SEPHS1: variants seen among roughly 807,000 people sequenced by gnomAD.
SEPHS1 encodes selenophosphate synthetase 1.
In SEPHS1, 7 loss-of-function variants were observed where a neutral mutation model predicts 39.2. That is an observed-to-expected ratio of 0.18 (90% confidence interval 0.10 to 0.34). SEPHS1 has a LOEUF of 0.34. SEPHS1 is among the 10% of genes least tolerant of loss of function. The pLI is 1.00. For synonymous variants in SEPHS1, 190 were observed against 195.5 expected, an observed-to-expected ratio of 0.97 and a Z score of 0.23; for missense variants, 253 against 514.5, an observed-to-expected ratio of 0.49 and a Z score of 4.92.
At chr10:13,325,975 AAT>A (rs1833275175) in intron 7 of SEPHS1, among the ~76,000 whole-genome samples, 1 of 148,788 alleles carries the variant, frequency 6.7e-6, no homozygotes, top group Admixed American at 6.7e-5. Flanking sequence ...TAATAATAAT[AAT>A]AATAAATGAA....
Position 13,333,849 on chromosome 10 carries a change from A to T in SEPHS1, c.528T>A (p.Ala176=). The T allele has an allele frequency of 6.2e-7, 1 of 1,613,984 alleles. No homozygotes were observed. Among genetic ancestry groups the T allele is most frequent in the South Asian group, 1.1e-5 (1 of 91,048 alleles). Reference sequence around the variant, plus strand: ...ATTCATTGGGTTGGCAGACAGTGGTAGCCACTCCTCCCAGGACAATCCAGG... The same window carrying T: ...ATTCATTGGGTTGGCAGACAGTGGTTGCCACTCCTCCCAGGACAATCCAGG... ...LNPWIVLGGV[A]TTVCQPNEFI... is the part of the protein sequence containing the mutation. Residue 176 remains alanine, a synonymous_variant, in exon 5 of 9, where the codon GCT becomes GCA. Transcript: ENST00000327347.
Position 13,319,355 on chromosome 10 carries a change from G to T in SEPHS1, c.966C>A (p.Gly322=). 2 of 1,612,136 alleles carry T rather than the reference G, an allele frequency of 1.2e-6. No individual in the cohort carries two copies. Among genetic ancestry groups the T allele is most frequent in the African/African-American group, 1.3e-5 (1 of 74,920 alleles). The part of the protein sequence containing the change: ...LMHGTCPETS[G]GLLICLPREQ... ...CACGTGGTAAACAGATCAGAAGGCC[G>T]CCTGGCAAAAGAAAACAAGAATGAC... is the stretch of plus-strand genomic sequence containing the variant. Residue 322 remains glycine (G), a splice_region_variant and synonymous_variant, in exon 9 of 9, where the codon GGC becomes GGA. Coordinates refer to ENST00000327347, the MANE Select transcript of SEPHS1 (RefSeq NM_012247.5).
chr10:13,335,671 C>CA (rs58260827), intron 4 of SEPHS1, among the ~76,000 whole-genome samples: 27,701 of 139,680 alleles, frequency 0.2, 5,122 homozygotes, highest in African/African-American at 0.51. Flanking sequence ...CTCAATAAAA[C>CA]AAAAAAAAAT....
Position 13,318,270 on chromosome 10 carries a change from A to G in SEPHS1, c.*872T>C, listed in dbSNP as rs1833000580. On this transcript the variant is annotated 3_prime_UTR_variant, in exon 9 of 9. Coordinates refer to ENST00000327347, the MANE Select transcript of SEPHS1 (RefSeq NM_012247.5). ...ACAAAAGGCCTGAAATCACTGTACAAAATAGAAAATGTATTAAACACTACC... is the reference window on the plus strand; with the variant it reads ...ACAAAAGGCCTGAAATCACTGTACAGAATAGAAAATGTATTAAACACTACC... 3 of 152,634 alleles carry G rather than the reference A, an allele frequency of 2.0e-5. No homozygotes were observed. The highest frequency in any genetic ancestry group is 1.3e-4 in the Admixed American group (2 of 15,268). The allele number at this position is 152,634 out of a possible 1,614,324, so 9.5% of individuals were successfully genotyped here.
chr10:13,333,687 C>CTCCTCA, intron 5 of SEPHS1, 130 bp downstream of exon 5: 1 of 881,276 alleles, frequency 1.1e-6, no homozygotes, highest in Non-Finnish European at 1.7e-6. Flanking sequence ...GTGATCTGCC[C>CTCCTCA]GCCTCGGCCT....
At chr10:13,343,943 A>C (rs184779971) in intron 2 of SEPHS1, among the ~76,000 whole-genome samples, 1 of 152,356 alleles carries the variant, frequency 6.6e-6, no homozygotes, top group East Asian at 1.9e-4. Flanking sequence ...TGCACAAGAA[A>C]CATGAATAAA....
intron 2 of SEPHS1, among the ~76,000 whole-genome samples, chr10:13,343,739 A>G (rs1833857160): frequency 1.3e-5 from 2 of 152,128 alleles, no homozygotes; most frequent in Non-Finnish European, 2.9e-5. Context: ...GCATGAACCC[A>G]GGAGGCAGAG....
chr10:13,321,502 T>A (rs980140363), intron 8 of SEPHS1, among the ~76,000 whole-genome samples: 11 of 152,244 alleles, frequency 7.2e-5, no homozygotes, highest in African/African-American at 2.6e-4. Flanking sequence ...AGTGCTGGAA[T>A]TACAGGCGTG....
At chr10:13,331,601 T>C (rs901843952) in intron 5 of SEPHS1, among the ~76,000 whole-genome samples, 2 of 152,194 alleles carry the variant, frequency 1.3e-5, no homozygotes, top group Admixed American at 1.3e-4. Flanking sequence ...CAGGGTGGTC[T>C]TGAACTCCTG....
At position 13,338,779 on chromosome 10, in the gene SEPHS1, A is replaced by C; in HGVS notation, c.223T>G (p.Leu75Val). 1 of 1,614,128 alleles carries C rather than the reference A, an allele frequency of 6.2e-7. No individual in the cohort carries two copies. Among genetic ancestry groups the C allele is most frequent in the East Asian group, 2.2e-5 (1 of 44,886 alleles). The change falls in exon 3 of 9, where the codon TTG becomes GTG. Residue 75 changes from leucine (L) to valine (V), a missense_variant. Leu to Val is a conservative substitution (Grantham distance 32). Transcript: ENST00000327347. ...GIGMDTCVIP[L>V]RHGGLSLVQT... ...ACCAAGGAAAGCCCACCGTGCCTCAAAGGAATGACACAAGTATCCATTCCA... is the reference window on the plus strand; with the variant it reads ...ACCAAGGAAAGCCCACCGTGCCTCACAGGAATGACACAAGTATCCATTCCA...
chr10:13,347,715 T>C (rs964564960), intron 1 of SEPHS1, among the ~76,000 whole-genome samples: 8 of 142,540 alleles, frequency 5.6e-5, no homozygotes, highest in Non-Finnish European at 1.1e-4. Context: ...AATTAACCCC[T>C]GCGTGGCCGC....
At chr10:13,326,286 C>T (rs867582062) in intron 7 of SEPHS1, among the ~76,000 whole-genome samples, 14 of 152,064 alleles carry the variant, frequency 9.2e-5, no homozygotes, top group East Asian at 1.9e-4. Context: ...CTAGCCTGGC[C>T]AACATGGTGA....
intron 5 of SEPHS1, among the ~76,000 whole-genome samples, chr10:13,332,231 G>A (rs1207472527): frequency 6.6e-6 from 1 of 152,208 alleles, no homozygotes; most frequent in Non-Finnish European, 1.5e-5. Flanking sequence ...AACACGGATG[G>A]ACCCGGAAAA....
rs946432094 is a variant in SEPHS1, at chr10:13,321,972, A to C, written c.964+863T>G. 13 of 441,160 alleles carry C rather than the reference A, an allele frequency of 2.9e-5. No individual in the cohort carries two copies. The Admixed American group carries it at 3.4e-4, about 11-fold the overall frequency. 27.3% of individuals were successfully genotyped at this position (441,160 alleles called of 1,614,324 possible). A position where few individuals can be genotyped will look rare whatever the true frequency, so the allele number is the denominator to read the frequency against. On this transcript the variant is annotated intron_variant, in intron 8 of 8. Coordinates refer to ENST00000327347, the MANE Select transcript of SEPHS1 (RefSeq NM_012247.5). ...AAACTACTGGGGCGTATGGTGTCAG[A>C]CCTGCACTGCTGTCTGATGGCTCTC...
intron 5 of SEPHS1, among the ~76,000 whole-genome samples, chr10:13,331,786 G>A (rs2130663198): frequency 6.6e-6 from 1 of 152,358 alleles, no homozygotes; most frequent in Non-Finnish European, 1.5e-5. Flanking sequence ...GTAAGCACAT[G>A]AAAAGATGCT....
intron 7 of SEPHS1, among the ~76,000 whole-genome samples, chr10:13,323,668 TAAG>T (rs1274673479): frequency 1.3e-5 from 2 of 152,140 alleles, no homozygotes; most frequent in Non-Finnish European, 2.9e-5. Flanking sequence ...CAGCACTTTT[TAAG>T]AAGGCCTTGC....
At chr10:13,322,789 T>C in intron 8 of SEPHS1, 46 bp downstream of exon 8, 5 of 1,571,796 alleles carry the variant, frequency 3.2e-6, no homozygotes, top group Non-Finnish European at 4.3e-6. Flanking sequence ...CTGAGCTTTC[T>C]GTTAGCCTCA....
intron 1 of SEPHS1, chr10:13,345,463 A>G (rs1833894462): frequency 6.6e-6 from 1 of 152,548 alleles, no homozygotes; most frequent in South Asian, 2.1e-4. Flanking sequence ...TTTATCACAC[A>G]GAAGAATGAA....
intron 2 of SEPHS1, among the ~76,000 whole-genome samples, chr10:13,341,731 C>T (rs1248183255): frequency 6.6e-6 from 1 of 151,484 alleles, no homozygotes; most frequent in African/African-American, 2.4e-5. Context: ...CCGAGGTGGG[C>T]AGATCACTTA....
Sources: gnomAD v4.1 joint callset for allele counts (sites outside exome capture counted in the v4.1 genomes callset) on GRCh38, gnomAD v4.1.1 for gene constraint, MANE v1.5 for transcripts, NCBI Gene and HGNC (gene_info 2026-07-23, HGNC 2026-07-21) for gene names.